Variants in PIEZO1 observed in about 807,000 individuals in gnomAD.
PIEZO1 encodes the protein piezo-type mechanosensitive ion channel component 1.
Under a neutral mutation model 297.2 loss-of-function variants are expected in PIEZO1, and 296 were observed. That is an observed-to-expected ratio of 1.00 (90% CI 0.91 to 1.10). The LOEUF (loss-of-function observed/expected upper bound fraction) is 1.10. Among genes scored for constraint, PIEZO1 ranks in the 50% least tolerant of loss-of-function variants. The probability of loss-of-function intolerance (pLI) is 0.00; values close to 1 mark genes in which losing one functional copy is unlikely to be tolerated. For synonymous variants in PIEZO1, 2,427 were observed against 1,507.5 expected (o/e 1.61, Z -14.13); for missense variants, 5,018 against 3,455.5 (o/e 1.45, Z -11.34).
At chr16:88,766,107 G>T (rs1907166429) in intron 1 of PIEZO1, among the ~76,000 whole-genome samples, 1 of 152,236 alleles carries the variant, frequency 6.6e-6, no homozygotes. Flanking sequence ...GGGTGTGAGG[G>T]TTGATTCATG....
intron 2 of PIEZO1, among the ~76,000 whole-genome samples, chr16:88,748,545 G>C (rs938870963): frequency 5.3e-5 from 8 of 151,520 alleles, no homozygotes; most frequent in Admixed American, 5.3e-4. Context: ...CCCACAGCGG[G>C]CAGCGGGAGG....
In PIEZO1 at chr16:88,778,830, C is replaced by T. The variant is rs922573511; in HGVS notation, c.64+6071G>A. ...TCCCACACACTGGGAGCCACCCACA[C>T]ACCCAGGCATCCAGCAGCCGCCGAG... On this transcript the variant is annotated intron_variant, in intron 1 of 50. Coordinates refer to ENST00000301015, the MANE Select transcript of PIEZO1 (RefSeq NM_001142864.4). Among the ~76,000 whole-genome samples the T allele has an allele frequency of 5.3e-5, 8 of 152,194 alleles. No individual in the cohort carries two copies. In the East Asian group the frequency reaches 7.7e-4, roughly 15 times the overall value.
chr16:88,731,722 G>A lies in PIEZO1; in HGVS notation c.3180C>T (p.Pro1060=). ...LYQYLLCLGM[P]PALCIDYPWR... ...GCCCCTCACCAATGCACAGGGCCGGGGGCATCCCCAGGCACAGCAGGTACT... is the reference window on the plus strand; with the variant it reads ...GCCCCTCACCAATGCACAGGGCCGGAGGCATCCCCAGGCACAGCAGGTACT... The change falls in exon 22 of 51, where the codon CCC becomes CCT. Residue 1060 remains proline, a synonymous_variant. Coordinates refer to ENST00000301015, the MANE Select transcript of PIEZO1 (RefSeq NM_001142864.4). 6.5e-7 allele frequency: 1 copy of A among 1,549,690 alleles called. No individual in the cohort carries two copies. The highest frequency in any genetic ancestry group is 8.7e-7 in the Non-Finnish European group (1 of 1,146,774).
At chr16:88,727,358 G>T (rs1244846986) in intron 23 of PIEZO1, among the ~76,000 whole-genome samples, 166 bp from the exon 24 acceptor site, 1 of 152,256 alleles carries the variant, frequency 6.6e-6, no homozygotes, top group East Asian at 1.9e-4. Context: ...GCCCCGGTGT[G>T]AGGGCATCTG....
chr16:88,758,467 C>A (rs533189658), intron 1 of PIEZO1, among the ~76,000 whole-genome samples: 2 of 152,340 alleles, frequency 1.3e-5, no homozygotes, highest in East Asian at 1.9e-4. Context: ...GCCAGTCATA[C>A]CCGTGGCTCA....
At chr16:88,744,780 C>T (rs1177240629) in intron 2 of PIEZO1, among the ~76,000 whole-genome samples, 1 of 151,996 alleles carries the variant, frequency 6.6e-6, no homozygotes, top group Non-Finnish European at 1.5e-5. Flanking sequence ...GCCTGGAGGC[C>T]ACTCCTGGCC....
At chr16:88,759,934 G>T (rs533236211) in intron 1 of PIEZO1, among the ~76,000 whole-genome samples, 1 of 152,124 alleles carries the variant, frequency 6.6e-6, no homozygotes, top group South Asian at 2.1e-4. Flanking sequence ...GGCCGAGCCC[G>T]GCCAGGCCCA....
chr16:88,742,001 C>G (rs1435523842), intron 4 of PIEZO1, 52 bp downstream of exon 4: 8 of 1,523,920 alleles, frequency 5.2e-6, no homozygotes, highest in Non-Finnish European at 5.3e-6. Context: ...TTCCTGGGGC[C>G]TGAAATCCCC....
chr16:88,781,715 A>G lies in PIEZO1; in HGVS notation c.64+3186T>C, dbSNP rs146362058. On this transcript the variant is annotated intron_variant, in intron 1 of 50. Transcript: ENST00000301015. ...CAGGCCTCCGAAGGGTGACTCTGCC[A>G]TGCTCAGCTCAGAGGGTCTGCACTG... Among the ~76,000 whole-genome samples the G allele has an allele frequency of 2.2e-4, 34 of 152,354 alleles. 1 individual carries two copies. The highest frequency in any genetic ancestry group is 4.6e-4 in the Non-Finnish European group (31 of 68,034).
intron 31 of PIEZO1, 31 bp downstream of exon 31, chr16:88,723,840 G>T (rs1221072955): frequency 7.8e-6 from 9 of 1,153,060 alleles, no homozygotes; most frequent in Middle Eastern, 1.9e-4. Context: ...TCTGTGGTTG[G>T]AGTGGGGCCG....
At chr16:88,739,326 G>C (rs1905478310) in intron 5 of PIEZO1, 1 of 152,734 alleles carries the variant, frequency 6.5e-6, no homozygotes, top group Non-Finnish European at 1.5e-5. Context: ...TGCCGGGCCT[G>C]TTTTCCCTGG....
Position 88,734,715 on chromosome 16 carries a change from G to C in PIEZO1, c.1932C>G (p.Val644=), listed in dbSNP as rs1396172543. ...GGAAGTCCTGGAACTGGAAGGTGTAGACGGCGATGAGGACCAGCATGGTGT... is the reference window on the plus strand; with the variant it reads ...GGAAGTCCTGGAACTGGAAGGTGTACACGGCGATGAGGACCAGCATGGTGT... ...VAYTMLVLIA[V]YTFQFQDFPA... Residue 644 remains valine (V), a synonymous_variant, in exon 15 of 51, where the codon GTC becomes GTG. Coordinates refer to ENST00000301015, the MANE Select transcript of PIEZO1 (RefSeq NM_001142864.4). 6.4e-7 allele frequency: 1 copy of C among 1,550,388 alleles called. No homozygotes were observed. Among genetic ancestry groups the C allele is most frequent in the Non-Finnish European group, 8.7e-7 (1 of 1,146,960 alleles).
chr16:88,717,020 C>G lies in PIEZO1; in HGVS notation c.6660+3G>C. The stretch of plus-strand genomic sequence containing the variant: ...ATGGACAGGCGGACCCACACATGCT[C>G]ACCTCATAGCCGCCCAGCTTCAGGG... On this transcript the variant is annotated splice_donor_region_variant and intron_variant, in intron 45 of 50. Coordinates refer to ENST00000301015, the MANE Select transcript of PIEZO1 (RefSeq NM_001142864.4). 3 of 1,550,410 alleles carry G rather than the reference C, an allele frequency of 1.9e-6. No individual in the cohort carries two copies. The highest frequency in any genetic ancestry group is 2.6e-6 in the Non-Finnish European group (3 of 1,146,908).
chr16:88,781,273 G>GC (rs1567491575), intron 1 of PIEZO1, among the ~76,000 whole-genome samples: 3 of 151,994 alleles, frequency 2.0e-5, no homozygotes, highest in Non-Finnish European at 4.4e-5. Flanking sequence ...GAGACTGTGC[G>GC]CCCCCACCCA....
chr16:88,719,845 G>C lies in PIEZO1; in HGVS notation c.6280C>G (p.Leu2094Val). Residue 2094 changes from leucine (L) to valine (V), a missense_variant, in exon 43 of 51, where the codon CTC (leucine) becomes GTC (valine). Transcript: ENST00000301015. ...TTGAGATGATTGTACTTCTTGGTGA[G>C]GAAGTTGCCGAGGATGCGGGTGGGG... ...GYPTRILGNF[L>V]TKKYNHLNLF... 4.5e-6 allele frequency: 7 copies of C among 1,550,576 alleles called. No homozygotes were observed. The highest frequency in any genetic ancestry group is 6.1e-6 in the Non-Finnish European group (7 of 1,146,954).
At position 88,721,719 on chromosome 16, in the gene PIEZO1, A is replaced by C; in HGVS notation, c.5222T>G (p.Val1741Gly). 6.5e-7 allele frequency: 1 copy of C among 1,541,416 alleles called. No individual in the cohort carries two copies. Among genetic ancestry groups the C allele is most frequent in the Non-Finnish European group, 8.7e-7 (1 of 1,142,934 alleles). ...AAACTGGAACAGGTACTTGACGACC[A>C]CCGCGATCTGTGGGGGAGGGGGCTC... ...MTAIVFTEIA[V>G]VVKYLFQFGF... Residue 1741 changes from valine to glycine, a missense_variant, in exon 38 of 51, where the codon GTG becomes GGG. Physicochemically the swap from Val to Gly is moderately radical, Grantham distance 109. Transcript: ENST00000301015.
chr16:88,766,285 C>G (rs1306120143), intron 1 of PIEZO1, among the ~76,000 whole-genome samples: 2 of 152,176 alleles, frequency 1.3e-5, no homozygotes, highest in Non-Finnish European at 2.9e-5. Flanking sequence ...GGAGGAATTC[C>G]CAGGACCGCC....
rs112336426 is a variant in PIEZO1 at position 88,759,754 on chromosome 16, G to A, written c.65-10275C>T. Among the ~76,000 whole-genome samples, 775 of 152,292 alleles carry A rather than the reference G, an allele frequency of 5.1e-3. 7 individuals are homozygous for A. Among genetic ancestry groups the A allele is most frequent in the African/African-American group, 0.016 (647 of 41,550 alleles). ...CTGGCAAGGTTGGCCCAGGGGACGGGGGGAAGCCAGCCCGCCCCCAGACGC... is the reference window on the plus strand; with the variant it reads ...CTGGCAAGGTTGGCCCAGGGGACGGAGGGAAGCCAGCCCGCCCCCAGACGC... On this transcript the variant is annotated intron_variant, in intron 1 of 50. Coordinates refer to ENST00000301015, the MANE Select transcript of PIEZO1 (RefSeq NM_001142864.4).
At chr16:88,758,264 C>G (rs998468838) in intron 1 of PIEZO1, among the ~76,000 whole-genome samples, 3 of 152,072 alleles carry the variant, frequency 2.0e-5, no homozygotes, top group Non-Finnish European at 4.4e-5. Flanking sequence ...GTCTGGCATT[C>G]AAGGCTCCCA....
Sources: gnomAD v4.1 joint callset for allele counts (sites outside exome capture counted in the v4.1 genomes callset) on GRCh38, gnomAD v4.1.1 for gene constraint, MANE v1.5 for transcripts, NCBI Gene and HGNC (gene_info 2026-07-23, HGNC 2026-07-21) for gene names.